Variants in FHIT observed in about 807,000 individuals in gnomAD.
FHIT encodes fragile histidine triad diadenosine triphosphatase, also known as bis(5'-adenosyl)-triphosphatase.
Under a neutral mutation model 17.9 loss-of-function variants are expected in FHIT, and 19 were observed. The observed-to-expected ratio is 1.06, with a 90% confidence interval of 0.74 to 1.56. The LOEUF is 1.56. Among genes scored for constraint, FHIT ranks in the 40% most tolerant of loss-of-function variants. FHIT has a pLI of 0.00. For missense variants in FHIT, 248 were observed against 189.2 expected (o/e 1.31, Z -1.82); for synonymous variants, 81 against 69.7 (o/e 1.16, Z -0.81).
chr3:61,004,240 A>C (rs1390828278), intron 3 of FHIT, among the ~76,000 whole-genome samples: 1 of 152,130 alleles, frequency 6.6e-6, no homozygotes, highest in Non-Finnish European at 1.5e-5. Flanking sequence ...TAATGGCAAA[A>C]ATGGCCTGAG....
At chr3:60,832,864 A>G (rs1702382354) in intron 3 of FHIT, among the ~76,000 whole-genome samples, 1 of 152,212 alleles carries the variant, frequency 6.6e-6, no homozygotes, top group South Asian at 2.1e-4. Context: ...ATTTTACGCT[A>G]AGCATTCAAA....
intron 8 of FHIT, among the ~76,000 whole-genome samples, chr3:59,889,022 G>T (rs1490952577): frequency 3.3e-5 from 5 of 152,058 alleles, no homozygotes; most frequent in Non-Finnish European, 7.4e-5. Context: ...ATGACAGCAG[G>T]GCCCTCATAA....
chr3:61,116,754 T>C (rs971188332), intron 2 of FHIT, among the ~76,000 whole-genome samples: 4 of 152,122 alleles, frequency 2.6e-5, no homozygotes, highest in South Asian at 2.1e-4. Flanking sequence ...CAAACTACTA[T>C]TGTCCTCTCT....
intron 3 of FHIT, among the ~76,000 whole-genome samples, chr3:60,985,920 G>A (rs1710703283): frequency 2.0e-5 from 3 of 152,190 alleles, no homozygotes; most frequent in Admixed American, 1.3e-4. Flanking sequence ...TCAGCTTCTA[G>A]AGGTTGCCTG....
chr3:59,845,501 A>T (rs1046363416), intron 8 of FHIT, among the ~76,000 whole-genome samples: 1 of 152,028 alleles, frequency 6.6e-6, no homozygotes, highest in Non-Finnish European at 1.5e-5. Context: ...TTTAAGTATT[A>T]TCTAATTCCC....
chr3:60,860,740 T>TA lies in FHIT; in HGVS notation c.-110-38730_-110-38729insT, dbSNP rs1424177333. ...ATATCAGGTATATATGTACATATGT[T>TA]CATATATATCAGGTATATATGATAC... On this transcript the variant is annotated intron_variant, in intron 3 of 9. Coordinates refer to ENST00000492590, the MANE Select transcript of FHIT (RefSeq NM_002012.4). 6.9e-5 allele frequency among the ~76,000 whole-genome samples: 2 copies of TA among 28,990 alleles called. 1 individual carries two copies. Among genetic ancestry groups the TA allele is most frequent in the Non-Finnish European group, 1.4e-4 (2 of 14,064 alleles). The allele number at this position is 28,990 out of a possible 152,430, so 19.0% of individuals were successfully genotyped here. A position where few individuals can be genotyped will look rare whatever the true frequency, so the allele number is the denominator to read the frequency against.
intron 7 of FHIT, among the ~76,000 whole-genome samples, chr3:59,981,087 A>C (rs777814008): frequency 3.3e-5 from 5 of 152,132 alleles, no homozygotes; most frequent in East Asian, 3.9e-4. Context: ...CCCACCACCA[A>C]CAAAAAAAAC....
chr3:61,106,494 T>G (rs1009680994), intron 2 of FHIT, among the ~76,000 whole-genome samples: 3 of 152,130 alleles, frequency 2.0e-5, no homozygotes, highest in African/African-American at 7.2e-5. Flanking sequence ...CAACCATCAT[T>G]CTACTCTCTG....
chr3:60,363,817 G>C (rs1020140839), intron 5 of FHIT, among the ~76,000 whole-genome samples: 2 of 152,142 alleles, frequency 1.3e-5, no homozygotes, highest in African/African-American at 4.8e-5. Flanking sequence ...AGATGAGAAG[G>C]AGGGAAGAAC....
intron 2 of FHIT, among the ~76,000 whole-genome samples, chr3:61,153,294 A>C (rs893404750): frequency 9.8e-5 from 15 of 152,346 alleles, no homozygotes; most frequent in African/African-American, 3.6e-4. Context: ...CTTGGCTGAT[A>C]ACATGAAGAA....
chr3:60,939,547 T>C (rs1233817835), intron 3 of FHIT, among the ~76,000 whole-genome samples: 3 of 152,128 alleles, frequency 2.0e-5, no homozygotes, highest in Admixed American at 6.5e-5. Flanking sequence ...TACAAGCAGA[T>C]CTGCATTTAA....
chr3:60,632,886 T>C (rs1300402650), intron 4 of FHIT, among the ~76,000 whole-genome samples: 1 of 152,204 alleles, frequency 6.6e-6, no homozygotes, highest in African/African-American at 2.4e-5. Flanking sequence ...CAATGCAACA[T>C]AGCTTCTCCA....
chr3:60,751,448 G>A, intron 4 of FHIT, among the ~76,000 whole-genome samples: 1 of 152,238 alleles, frequency 6.6e-6, no homozygotes, highest in East Asian at 1.9e-4. Flanking sequence ...CAAGCAATAA[G>A]GAAAATCCAA....
intron 5 of FHIT, among the ~76,000 whole-genome samples, chr3:60,046,515 T>C (rs1173991786): frequency 1.3e-5 from 2 of 152,140 alleles, no homozygotes; most frequent in Non-Finnish European, 2.9e-5. Context: ...CTCCAGGCAA[T>C]CCCATTAGTT....
chr3:59,787,549 T>C (rs1439695501), intron 8 of FHIT, among the ~76,000 whole-genome samples: 1 of 148,738 alleles, frequency 6.7e-6, no homozygotes, highest in Non-Finnish European at 1.5e-5. Flanking sequence ...TTCTCCCTCT[T>C]TATGAAAAGT....
At chr3:59,819,638 C>T (rs991259160) in intron 8 of FHIT, among the ~76,000 whole-genome samples, 5 of 152,164 alleles carry the variant, frequency 3.3e-5, no homozygotes, top group African/African-American at 1.2e-4. Context: ...TTGCACACAT[C>T]TAAATACATA....
intron 5 of FHIT, among the ~76,000 whole-genome samples, chr3:60,471,214 C>T (rs1453895461): frequency 1.3e-5 from 2 of 152,174 alleles, no homozygotes; most frequent in Non-Finnish European, 2.9e-5. Flanking sequence ...ACTCCCTTCA[C>T]CAGCTGATAT....
At chr3:60,929,558 T>G (rs1221597761) in intron 3 of FHIT, among the ~76,000 whole-genome samples, 6 of 151,154 alleles carry the variant, frequency 4.0e-5, no homozygotes, top group African/African-American at 7.4e-5. Flanking sequence ...AGCATTCTTA[T>G]ATACCAATAA....
rs1240709670 is a variant in FHIT, at chr3:60,657,516, A to C, written c.-17-120537T>G. 4.6e-5 allele frequency among the ~76,000 whole-genome samples: 7 copies of C among 152,158 alleles called. No homozygotes were observed. In the South Asian group the frequency reaches 1.5e-3, roughly 32 times the overall value. On this transcript the variant is annotated intron_variant, in intron 4 of 9. Coordinates refer to ENST00000492590, the MANE Select transcript of FHIT (RefSeq NM_002012.4). ...TAGTCAATGACTAAAGGAATCATCT[A>C]GTGGTGAAATGATGGTAAGTCACTT...
Sources: allele counts gnomAD v4.1 joint callset (sites outside exome capture counted in the v4.1 genomes callset), GRCh38; gene constraint gnomAD v4.1.1; transcripts MANE v1.5; gene names NCBI Gene and HGNC (gene_info 2026-07-23, HGNC 2026-07-21).